Variants in OLA1 observed in about 807,000 individuals in gnomAD.
OLA1 encodes Obg like ATPase 1, also known as obg-like ATPase 1.
OLA1 carries 14 observed loss-of-function variants against 48.4 expected under a neutral mutation model. That is an observed-to-expected ratio of 0.29 (90% CI 0.19 to 0.45). The LOEUF (loss-of-function observed/expected upper bound fraction) is 0.45. Ranked by LOEUF, OLA1 falls within the 20% of genes least tolerant of loss-of-function variation. The pLI, the probability that OLA1 is intolerant of heterozygous loss-of-function variation, is 1.00. For missense variants in OLA1, 325 were observed against 467.1 expected, an observed-to-expected ratio of 0.70 and a Z score of 2.80; for synonymous variants, 127 against 150.4, an observed-to-expected ratio of 0.84 and a Z score of 1.14.
intron 4 of OLA1, among the ~76,000 whole-genome samples, chr2:174,209,407 C>T (rs1230003557): frequency 6.6e-6 from 1 of 152,050 alleles, no homozygotes; most frequent in African/African-American, 2.4e-5. Context: ...TTTTTCATAT[C>T]CCAAGTATAC....
intron 7 of OLA1, among the ~76,000 whole-genome samples, chr2:174,112,130 A>G (rs1685668247): frequency 6.6e-6 from 1 of 152,228 alleles, no homozygotes; most frequent in Non-Finnish European, 1.5e-5. Context: ...GTAATAGGAA[A>G]TGTGACTGGT....
intron 5 of OLA1, among the ~76,000 whole-genome samples, chr2:174,137,684 T>C (rs547785792): frequency 2.0e-5 from 3 of 152,400 alleles, no homozygotes; most frequent in South Asian, 2.1e-4. Flanking sequence ...GTTAGGGCTA[T>C]GGCTTCTTTT....
intron 5 of OLA1, among the ~76,000 whole-genome samples, chr2:174,125,956 T>C (rs1686035520): frequency 6.6e-6 from 1 of 152,154 alleles, no homozygotes; most frequent in Non-Finnish European, 1.5e-5. Context: ...CTCTCTTAAT[T>C]ATTCCCACAA....
intron 2 of OLA1, among the ~76,000 whole-genome samples, chr2:174,230,381 T>A (rs1688701227): frequency 6.6e-6 from 1 of 152,092 alleles, no homozygotes; most frequent in African/African-American, 2.4e-5. Context: ...ACTTTCAGAA[T>A]AACCAATAGT....
At chr2:174,139,838 C>A (rs1301593884) in intron 5 of OLA1, among the ~76,000 whole-genome samples, 6 of 140,228 alleles carry the variant, frequency 4.3e-5, no homozygotes, top group Admixed American at 3.1e-4. Context: ...GAACTCCAGC[C>A]TGGGCAACAG....
intron 7 of OLA1, among the ~76,000 whole-genome samples, chr2:174,087,147 C>T (rs1685000263): frequency 6.6e-6 from 1 of 151,802 alleles, no homozygotes; most frequent in Admixed American, 6.6e-5. Context: ...CTACCTCAGC[C>T]TCCTGAGTAG....
chr2:174,235,183 G>A lies in OLA1; in HGVS notation c.102-5732C>T, dbSNP rs892578422. Among the ~76,000 whole-genome samples the A allele has an allele frequency of 5.9e-5, 9 of 151,894 alleles. 1 individual carries two copies. The South Asian group carries it at 6.2e-4, about 10-fold the overall frequency. On this transcript the variant is annotated intron_variant, in intron 2 of 10. Coordinates refer to ENST00000284719, the MANE Select transcript of OLA1 (RefSeq NM_013341.5). ...TGGGAAAAAAATAAATAAATAAAAC[G>A]TAAAACCCATTAATCTATGAAGTAC...
At chr2:174,212,056 TA>T (rs1688258202) in intron 4 of OLA1, among the ~76,000 whole-genome samples, 1 of 152,174 alleles carries the variant, frequency 6.6e-6, no homozygotes, top group Admixed American at 6.5e-5. Flanking sequence ...TATTCCCAAC[TA>T]CAGACATGAG....
chr2:174,138,631 AAAC>A (rs1232732414), intron 5 of OLA1, among the ~76,000 whole-genome samples: 4 of 152,212 alleles, frequency 2.6e-5, no homozygotes, highest in African/African-American at 9.6e-5. Flanking sequence ...TCGATTTGTA[AAAC>A]AACAACAAAA....
chr2:174,102,119 G>C (rs1685410613), intron 7 of OLA1, among the ~76,000 whole-genome samples: 1 of 152,092 alleles, frequency 6.6e-6, no homozygotes, highest in Admixed American at 6.5e-5. Context: ...CATTAGCAGA[G>C]AGCAATCCTT....
intron 1 of OLA1, chr2:174,247,658 A>C: frequency 2.6e-6 from 4 of 1,550,924 alleles, no homozygotes; most frequent in Non-Finnish European, 3.5e-6. Flanking sequence ...TTTCACATAG[A>C]TGAACACCCA....
At chr2:174,152,981 C>T (rs186501174) in intron 4 of OLA1, among the ~76,000 whole-genome samples, 1 of 152,286 alleles carries the variant, frequency 6.6e-6, no homozygotes, top group Non-Finnish European at 1.5e-5. Flanking sequence ...CCTTCCTCCT[C>T]TCTCATTACA....
At chr2:174,222,630 C>G (rs1174401561) in intron 4 of OLA1, among the ~76,000 whole-genome samples, 1 of 152,138 alleles carries the variant, frequency 6.6e-6, no homozygotes, top group Non-Finnish European at 1.5e-5. Flanking sequence ...AACCCAGAAG[C>G]CTTTCTCTGT....
At chr2:174,240,397 C>T (rs1257992322) in intron 2 of OLA1, 1 of 152,344 alleles carries the variant, frequency 6.6e-6, no homozygotes, top group Non-Finnish European at 1.5e-5. Flanking sequence ...CTCCTGGGCT[C>T]AAGGTATCCT....
chr2:174,162,819 G>A (rs540452903), intron 4 of OLA1, among the ~76,000 whole-genome samples: 19 of 152,240 alleles, frequency 1.2e-4, no homozygotes, highest in East Asian at 5.8e-4. Context: ...CGAGGCGGGC[G>A]GATCGCTTGA....
chr2:174,175,588 T>G (rs572309760), intron 4 of OLA1, among the ~76,000 whole-genome samples: 1 of 152,026 alleles, frequency 6.6e-6, no homozygotes, highest in Admixed American at 6.5e-5. Flanking sequence ...AGAAAGGATG[T>G]GGAGGAACTG....
At chr2:174,135,160 C>CAAAAA (rs71405180) in intron 5 of OLA1, among the ~76,000 whole-genome samples, 34 of 85,942 alleles carry the variant, frequency 4.0e-4, no homozygotes, top group Middle Eastern at 6.3e-3. Flanking sequence ...ACTCCGCCTC[C>CAAAAA]AAAAAAAAAA....
At chr2:174,168,217 A>G (rs1687212878) in intron 4 of OLA1, among the ~76,000 whole-genome samples, 1 of 152,204 alleles carries the variant, frequency 6.6e-6, no homozygotes, top group Non-Finnish European at 1.5e-5. Flanking sequence ...AGGGAAGAGA[A>G]AGAGACAGGA....
intron 7 of OLA1, among the ~76,000 whole-genome samples, chr2:174,083,340 C>T (rs915635858): frequency 2.0e-5 from 3 of 152,028 alleles, no homozygotes; most frequent in Non-Finnish European, 4.4e-5. Flanking sequence ...AAAATTAAGA[C>T]TATGGCCCAT....
Sources: gnomAD v4.1 joint callset for allele counts (sites outside exome capture counted in the v4.1 genomes callset) on GRCh38, gnomAD v4.1.1 for gene constraint, MANE v1.5 for transcripts, NCBI Gene and HGNC (gene_info 2026-07-23, HGNC 2026-07-21) for gene names.